The following GOLGA4 variants were observed in gnomAD, a reference collection of about 807,000 sequenced individuals.
GOLGA4 encodes golgin subfamily A member 4.
Under a neutral mutation model 265.9 loss-of-function variants are expected in GOLGA4, and 169 were observed. That is an observed-to-expected ratio of 0.64 (90% CI 0.56 to 0.72). The LOEUF (loss-of-function observed/expected upper bound fraction) is 0.72. Ranked by LOEUF, GOLGA4 falls within the 30% of genes least tolerant of loss-of-function variation. The pLI, the probability that GOLGA4 is intolerant of heterozygous loss-of-function variation, is 0.00. For missense variants in GOLGA4, 2,482 were observed against 2,483.4 expected (o/e 1.00, Z 0.01); for synonymous variants, 923 against 855.8 (o/e 1.08, Z -1.37).
chr3:37,323,715 A>G lies in GOLGA4; in HGVS notation c.1829A>G (p.Glu610Gly). 1 of 1,613,884 alleles carries G rather than the reference A, an allele frequency of 6.2e-7. No individual in the cohort carries two copies. The highest frequency in any genetic ancestry group is 8.5e-7 in the Non-Finnish European group (1 of 1,179,940). Reference sequence around the variant, plus strand: ...AATAAGGAGATTACAGTCATGGTTGAAAAACACAAGACAGAATTGGAAAGC... The same window carrying G: ...AATAAGGAGATTACAGTCATGGTTGGAAAACACAAGACAGAATTGGAAAGC... ...KHNKEITVMV[E>G]KHKTELESLK... The change falls in exon 14 of 24, where the codon GAA (glutamate) becomes GGA (glycine). Residue 610 changes from glutamate (E) to glycine (G), a missense_variant. By Grantham distance (98) the Glu-to-Gly change is moderately conservative. Coordinates refer to ENST00000361924, the MANE Select transcript of GOLGA4 (RefSeq NM_002078.5).
At chr3:37,266,223 A>G (rs62244336) in intron 2 of GOLGA4, among the ~76,000 whole-genome samples, 46,014 of 151,246 alleles carry the variant, frequency 0.3, 7,844 homozygotes, top group Non-Finnish European at 0.39. Flanking sequence ...CTGGAGTGCA[A>G]TGGTCTCACT....
chr3:37,243,438 C>G lies in GOLGA4; in HGVS notation c.-113C>G, dbSNP rs1368650257. On this transcript the variant is annotated 5_prime_UTR_variant, in exon 1 of 24. Coordinates refer to ENST00000361924, the MANE Select transcript of GOLGA4 (RefSeq NM_002078.5). ...GCCTCAAGGAGGAGACGGCGAGGCC[C>G]GGCCCCCGCTGTCCCTGGTGTAAAG... 1.1e-6 allele frequency: 1 copy of G among 887,106 alleles called. No homozygotes were observed. Among genetic ancestry groups the G allele is most frequent in the South Asian group, 1.4e-5 (1 of 73,232 alleles). The allele number at this position is 887,106 out of a possible 1,614,324, so 55.0% of individuals were successfully genotyped here.
At position 37,279,060 on chromosome 3, in the gene GOLGA4, G is replaced by A. The variant is rs533851848; in HGVS notation, c.163-2898G>A. ...AAAAACAATGTATATACACAAAGACGGGGGGATGCTTACTATGTTTGAGCA... is the reference window on the plus strand; with the variant it reads ...AAAAACAATGTATATACACAAAGACAGGGGGATGCTTACTATGTTTGAGCA... On this transcript the variant is annotated intron_variant, in intron 2 of 23. Transcript: ENST00000361924. Among the ~76,000 whole-genome samples, 76 of 152,198 alleles carry A rather than the reference G, an allele frequency of 5.0e-4. No individual in the cohort carries two copies. In the Middle Eastern group the frequency reaches 0.01, roughly 20 times the overall value.
chr3:37,280,169 G>C (rs1205928610), intron 2 of GOLGA4, among the ~76,000 whole-genome samples: 1 of 152,100 alleles, frequency 6.6e-6, no homozygotes, highest in Non-Finnish European at 1.5e-5. Context: ...AACACATTTT[G>C]TTTTACTGTA....
Position 37,362,393 on chromosome 3 carries a change from C to T in GOLGA4, c.*33+1088C>T, listed in dbSNP as rs545866828. On this transcript the variant is annotated intron_variant, in intron 23 of 23. Coordinates refer to ENST00000361924, the MANE Select transcript of GOLGA4 (RefSeq NM_002078.5). ...CTGGGACTACAGGCGCCCGCCACTA[C>T]GCCCGGCTAATTTTTTGTATTTTTT... 4.9e-3 allele frequency among the ~76,000 whole-genome samples: 734 copies of T among 150,738 alleles called. 9 individuals are homozygous for T. Among genetic ancestry groups the T allele is most frequent in the African/African-American group, 0.017 (694 of 41,220 alleles).
chr3:37,266,116 C>T (rs1418340818), intron 2 of GOLGA4, among the ~76,000 whole-genome samples: 1 of 150,998 alleles, frequency 6.6e-6, no homozygotes, highest in Non-Finnish European at 1.5e-5. Context: ...CGATAACTTA[C>T]GTAGCTTGCG....
At chr3:37,285,759 G>GA (rs1474959268) in intron 3 of GOLGA4, among the ~76,000 whole-genome samples, 1 of 152,228 alleles carries the variant, frequency 6.6e-6, no homozygotes, top group Non-Finnish European at 1.5e-5. Flanking sequence ...CCCCACCTGT[G>GA]AATTAGGTAC....
chr3:37,270,278 G>A (rs957261504), intron 2 of GOLGA4, among the ~76,000 whole-genome samples: 1 of 143,892 alleles, frequency 6.9e-6, no homozygotes, highest in African/African-American at 2.6e-5. Context: ...CCATCTTGGC[G>A]CACTGCAGCC....
At chr3:37,313,511 C>T (rs1045196707) in intron 10 of GOLGA4, 1 of 152,110 alleles carries the variant, frequency 6.6e-6, no homozygotes, top group Non-Finnish European at 1.5e-5. Context: ...CTGGGACATA[C>T]GTTTCTTGGT....
intron 3 of GOLGA4, among the ~76,000 whole-genome samples, chr3:37,283,414 CTT>C (rs980061939): frequency 3.9e-5 from 6 of 152,140 alleles, no homozygotes; most frequent in African/African-American, 1.4e-4. Context: ...CGTTATGAAT[CTT>C]TGTCTGTTAC....
chr3:37,361,286 C>G lies in GOLGA4; in HGVS notation c.*14C>G, dbSNP rs752232425. 6.2e-7 allele frequency: 1 copy of G among 1,612,204 alleles called. No homozygotes were observed. Among genetic ancestry groups the G allele is most frequent in the Admixed American group, 1.7e-5 (1 of 60,014 alleles). ...GGTATCTTCTGAGTAAACCATCAGT[C>G]TGTGCTTAGTTAACATGTGGTGAGT... is the stretch of plus-strand genomic sequence containing the variant. On this transcript the variant is annotated 3_prime_UTR_variant, in exon 23 of 24. Coordinates refer to ENST00000361924, the MANE Select transcript of GOLGA4 (RefSeq NM_002078.5).
In GOLGA4 at chr3:37,320,258, A is replaced by G. The variant is rs2096951139; in HGVS notation, c.1545+1064A>G. The G allele has an allele frequency of 2.0e-5, 3 of 152,326 alleles. No homozygotes were observed. In the South Asian group the frequency reaches 6.2e-4, roughly 32 times the overall value. 9.4% of individuals were successfully genotyped at this position (152,326 alleles called of 1,614,324 possible). A position where few individuals can be genotyped will look rare whatever the true frequency, so the allele number is the denominator to read the frequency against. ...ATGAAAGCCTTTTATATAAGTTGCCATAAAAAAGTGTTAGTGACAAAAATG... is the reference window on the plus strand; with the variant it reads ...ATGAAAGCCTTTTATATAAGTTGCCGTAAAAAAGTGTTAGTGACAAAAATG... On this transcript the variant is annotated intron_variant, in intron 12 of 23. Coordinates refer to ENST00000361924, the MANE Select transcript of GOLGA4 (RefSeq NM_002078.5).
chr3:37,279,902 T>C (rs2096830093), intron 2 of GOLGA4, among the ~76,000 whole-genome samples: 1 of 149,774 alleles, frequency 6.7e-6, no homozygotes, highest in South Asian at 2.1e-4. Context: ...GAAAGACTAT[T>C]GTCTCAAAAA....
intron 2 of GOLGA4, 50 bp downstream of exon 2, chr3:37,251,534 A>G (rs1273674802): frequency 8.9e-7 from 1 of 1,128,706 alleles, no homozygotes; most frequent in Admixed American, 1.7e-5. Flanking sequence ...AAACTAATCT[A>G]AAATGTATGC....
chr3:37,278,865 T>G (rs2096826957), intron 2 of GOLGA4, among the ~76,000 whole-genome samples: 1 of 151,158 alleles, frequency 6.6e-6, no homozygotes, highest in Non-Finnish European at 1.5e-5. Context: ...CAGGCTGTAG[T>G]GCAGTGGTGC....
At position 37,251,244 on chromosome 3, in the gene GOLGA4, A is replaced by G. The variant is rs73825041; in HGVS notation, c.73-151A>G. The G allele has an allele frequency of 2.0e-3, 1,138 of 566,676 alleles. 10 individuals carry two copies. The highest frequency in any genetic ancestry group is 0.019 in the African/African-American group (1,019 of 52,696). 35.1% of individuals were successfully genotyped at this position (566,676 alleles called of 1,614,324 possible). ...GGTAGCCTGGGTTTTCTAGTTGATT[A>G]TATTTGTTATCCTTTTCTGCTTTTC... On this transcript the variant is annotated intron_variant, in intron 1 of 23. Transcript: ENST00000361924.
At chr3:37,248,832 G>C (rs1277945628) in intron 1 of GOLGA4, among the ~76,000 whole-genome samples, 1 of 152,062 alleles carries the variant, frequency 6.6e-6, no homozygotes, top group Non-Finnish European at 1.5e-5. Flanking sequence ...TTTGCAGTGA[G>C]GTATACTTTT....
Position 37,281,998 on chromosome 3 carries a change from G to A in GOLGA4, c.203G>A (p.Arg68Gln), listed in dbSNP as rs7612972. 4.3e-5 allele frequency: 69 copies of A among 1,613,898 alleles called. No individual in the cohort carries two copies. The Admixed American group carries it at 9.8e-4, about 23-fold the overall frequency. The change falls in exon 3 of 24, where the codon CGG (arginine) becomes CAG (glutamine). Residue 68 changes from arginine (R) to glutamine (Q), a missense_variant. Physicochemically the swap from Arg to Gln is conservative, Grantham distance 43. Around this residue, in one of 3 missense-constraint regions of GOLGA4, gnomAD observed 1,536 missense variants for 1,483.7 expected, o/e 1.04. Coordinates refer to ENST00000361924, the MANE Select transcript of GOLGA4 (RefSeq NM_002078.5). ...TCTTTTGCACAGAAGCTCCAGCTCC[G>A]GGTGCCCTCCGTGGAGTCTTTGTTT... ...TQSFAQKLQL[R>Q]VPSVESLFRS...
At chr3:37,253,879 G>A (rs2096740732) in intron 2 of GOLGA4, among the ~76,000 whole-genome samples, 1 of 151,992 alleles carries the variant, frequency 6.6e-6, no homozygotes, top group South Asian at 2.1e-4. Flanking sequence ...AGCCAGACGT[G>A]GTGACACGTC....
Sources: gnomAD v4.1 joint callset for allele counts (sites outside exome capture counted in the v4.1 genomes callset) on GRCh38, gnomAD v4.1.1 for gene constraint, gnomAD v4.1.1 regional missense constraint, MANE v1.5 for transcripts, NCBI Gene and HGNC (gene_info 2026-07-23, HGNC 2026-07-21) for gene names.